FRY: variants seen among roughly 807,000 people sequenced by gnomAD.
FRY encodes the protein protein furry homolog.
FRY carries 128 observed loss-of-function variants against 348.4 expected under a neutral mutation model. The ratio of observed to expected loss-of-function variants is 0.37; its 90% CI spans 0.32 to 0.43. The LOEUF is 0.43. Among genes scored for constraint, FRY ranks in the 20% least tolerant of loss-of-function variants. FRY has a pLI of 1.00. For synonymous variants in FRY, 1,370 were observed against 1,374.7 expected, an observed-to-expected ratio of 1.00 and a Z score of 0.08; for missense variants, 2,736 against 3,695.2, an observed-to-expected ratio of 0.74 and a Z score of 6.73.
rs575454377 is a variant in FRY at position 32,045,047 on chromosome 13, G to A, written c.70+13182G>A. ...CATTATTATACCCGCTGGCCCCTAA[G>A]GCCAATTTTCACTATTTTTTCCCCA... On this transcript the variant is annotated intron_variant, in intron 1 of 60. Transcript: ENST00000542859. Among the ~76,000 whole-genome samples, 16 of 152,206 alleles carry A rather than the reference G, an allele frequency of 1.1e-4. No individual in the cohort carries two copies. In the South Asian group the frequency reaches 3.3e-3, roughly 32 times the overall value.
rs1345366655 is a variant in FRY at position 32,274,761 on chromosome 13, A to C, written c.8137-81A>C. On this transcript the variant is annotated intron_variant, in intron 55 of 60. Coordinates refer to ENST00000542859, the MANE Select transcript of FRY (RefSeq NM_023037.3). ...AATGTAATTGGAATATAAAAAAAGA[A>C]GCTACCCCTCCCCCAAAATATGTTT... The C allele has an allele frequency of 8.3e-6, 8 of 958,364 alleles. No individual in the cohort carries two copies. In the Admixed American group the frequency reaches 1.4e-4, roughly 17 times the overall value. The allele number at this position is 958,364 out of a possible 1,614,324, so 59.4% of individuals were successfully genotyped here.
intron 50 of FRY, 22 bp from the exon 51 acceptor site, chr13:32,254,202 G>T (rs1404770404): frequency 1.2e-5 from 20 of 1,612,688 alleles, no homozygotes; most frequent in Middle Eastern, 3.5e-4. Flanking sequence ...CGGTTTCTCA[G>T]GAGAGGACTC....
intron 10 of FRY, among the ~76,000 whole-genome samples, chr13:32,135,819 T>A (rs1425916167): frequency 6.6e-5 from 10 of 152,216 alleles, no homozygotes; most frequent in Admixed American, 6.5e-4. Context: ...ATCTGGTTAC[T>A]GGCATGGTTT....
At chr13:32,131,638 A>G in intron 7 of FRY, 34 bp from the exon 8 acceptor site, 1 of 1,557,214 alleles carries the variant, frequency 6.4e-7, no homozygotes, top group Non-Finnish European at 8.9e-7. Context: ...TTTCCTACCC[A>G]ATATTTGATA....
In FRY at chr13:32,210,887, T is replaced by G; in HGVS notation, c.4444T>G (p.Leu1482Val). The change falls in exon 34 of 61, where the codon TTG becomes GTG. Residue 1482 changes from leucine (L) to valine (V), a missense_variant. By Grantham distance (32) the Leu-to-Val change is conservative. Coordinates refer to ENST00000542859, the MANE Select transcript of FRY (RefSeq NM_023037.3). The part of the protein sequence containing the change: ...LPYIKKVAIY[L>V]CRNNTIQTME... ...TCAGATTAAAAAAGTGGCAATATAC[T>G]TGTGCCGTAACAACACCATTCAAAC... is the stretch of plus-strand genomic sequence containing the variant. 6.2e-7 allele frequency: 1 copy of G among 1,614,020 alleles called. No individual in the cohort carries two copies. Among genetic ancestry groups the G allele is most frequent in the Non-Finnish European group, 8.5e-7 (1 of 1,179,888 alleles).
chr13:32,154,575 A>C (rs895301113), intron 14 of FRY, among the ~76,000 whole-genome samples: 2 of 152,214 alleles, frequency 1.3e-5, no homozygotes, highest in African/African-American at 4.8e-5. Flanking sequence ...GTAAAGTGGG[A>C]ATACCTTCCT....
At chr13:32,054,443 C>A (rs889291619) in intron 1 of FRY, among the ~76,000 whole-genome samples, 2 of 151,884 alleles carry the variant, frequency 1.3e-5, no homozygotes, top group Non-Finnish European at 2.9e-5. Context: ...ATAAAACTTG[C>A]TTGGGTTGTG....
At chr13:32,276,416 G>C (rs1390863136) in intron 56 of FRY, 48 bp from the exon 57 acceptor site, 1 of 905,650 alleles carries the variant, frequency 1.1e-6, no homozygotes, top group Non-Finnish European at 1.9e-6. Context: ...CCATGCCTTT[G>C]TGTTGGTATC....
At position 32,254,530 on chromosome 13, in the gene FRY, A is replaced by G; in HGVS notation, c.7416+136A>G. 5.2e-6 allele frequency: 5 copies of G among 957,796 alleles called. No homozygotes were observed. The South Asian group carries it at 6.9e-5, about 13-fold the overall frequency. 59.3% of individuals were successfully genotyped at this position (957,796 alleles called of 1,614,324 possible). A position where few individuals can be genotyped will look rare whatever the true frequency, so the allele number is the denominator to read the frequency against. ...AAGTTGTAAACTTTATTTTGAATCAACTTATTCAAAGTACAGCAGCTAAAC... is the reference window on the plus strand; with the variant it reads ...AAGTTGTAAACTTTATTTTGAATCAGCTTATTCAAAGTACAGCAGCTAAAC... On this transcript the variant is annotated intron_variant, in intron 51 of 60. Transcript: ENST00000542859.
chr13:32,253,835 T>A (rs1191208741), intron 50 of FRY, among the ~76,000 whole-genome samples: 2 of 152,202 alleles, frequency 1.3e-5, no homozygotes, highest in Non-Finnish European at 2.9e-5. Context: ...CTTAAAATAT[T>A]ATTTATGTGT....
chr13:32,063,821 G>A (rs553447615), intron 1 of FRY, among the ~76,000 whole-genome samples: 6 of 152,270 alleles, frequency 3.9e-5, no homozygotes, highest in South Asian at 2.1e-4. Flanking sequence ...CATAATTGGC[G>A]CTTTATTTGT....
intron 35 of FRY, among the ~76,000 whole-genome samples, chr13:32,217,589 C>T (rs548342538): frequency 1.9e-4 from 29 of 152,244 alleles, no homozygotes; most frequent in African/African-American, 7.0e-4. Flanking sequence ...AGGTAGAGGC[C>T]TTGGCCATGG....
At chr13:32,146,308 T>G (rs1213586891) in intron 11 of FRY, among the ~76,000 whole-genome samples, 1 of 151,880 alleles carries the variant, frequency 6.6e-6, no homozygotes, top group African/African-American at 2.4e-5. Context: ...TTCATCTGAG[T>G]TTTTTTGTTG....
intron 58 of FRY, among the ~76,000 whole-genome samples, chr13:32,279,821 T>A (rs913630986): frequency 6.6e-6 from 1 of 152,208 alleles, no homozygotes; most frequent in Non-Finnish European, 1.5e-5. Context: ...CATTCCAATT[T>A]GGTATTTGTT....
At chr13:32,137,955 T>A (rs1879825766) in intron 11 of FRY, among the ~76,000 whole-genome samples, 1 of 152,228 alleles carries the variant, frequency 6.6e-6, no homozygotes, top group African/African-American at 2.4e-5. Context: ...AGGAGCTGGC[T>A]CTAAAAGCTG....
At chr13:32,294,827 T>G (rs1889554461) in intron 60 of FRY, among the ~76,000 whole-genome samples, 1 of 152,240 alleles carries the variant, frequency 6.6e-6, no homozygotes, top group African/African-American at 2.4e-5. Flanking sequence ...TATATAATTT[T>G]TAACTAACAT....
At chr13:32,109,221 C>T (rs1234743999) in intron 3 of FRY, among the ~76,000 whole-genome samples, 1 of 152,052 alleles carries the variant, frequency 6.6e-6, no homozygotes, top group Non-Finnish European at 1.5e-5. Flanking sequence ...TGATTTGGAG[C>T]GATTTCCATT....
intron 59 of FRY, among the ~76,000 whole-genome samples, chr13:32,293,383 TAAC>T (rs1378732574): frequency 2.0e-5 from 3 of 152,218 alleles, no homozygotes; most frequent in Non-Finnish European, 2.9e-5. Flanking sequence ...TAGTTGCATT[TAAC>T]AGGCATGTGT....
intron 55 of FRY, among the ~76,000 whole-genome samples, chr13:32,273,501 C>T (rs1043019831): frequency 5.3e-5 from 8 of 152,104 alleles, no homozygotes; most frequent in Non-Finnish European, 1.2e-4. Context: ...GGATTACAGG[C>T]GTGAGCCACC....
Sources: allele counts gnomAD v4.1 joint callset (sites outside exome capture counted in the v4.1 genomes callset), GRCh38; gene constraint gnomAD v4.1.1; transcripts MANE v1.5; gene names NCBI Gene and HGNC (gene_info 2026-07-23, HGNC 2026-07-21).